KIF26B: variants seen among roughly 807,000 people sequenced by gnomAD.
KIF26B encodes the protein kinesin-like protein KIF26B.
KIF26B carries 63 observed loss-of-function variants against 151.2 expected under a neutral mutation model. The observed-to-expected ratio is 0.42, with a 90% CI of 0.34 to 0.51. The LOEUF (loss-of-function observed/expected upper bound fraction) is 0.51. Among genes scored for constraint, KIF26B ranks in the 20% least tolerant of loss-of-function variants. The pLI, the probability that KIF26B is intolerant of heterozygous loss-of-function variation, is 0.07. For synonymous variants in KIF26B, 1,357 were observed against 1,262.1 expected, an observed-to-expected ratio of 1.08 and a Z score of -1.59; for missense variants, 2,813 against 2,913.6, an observed-to-expected ratio of 0.97 and a Z score of 0.79.
chr1:245,164,754 A>G (rs888507069), intron 2 of KIF26B, among the ~76,000 whole-genome samples: 1 of 152,206 alleles, frequency 6.6e-6, no homozygotes, highest in Non-Finnish European at 1.5e-5. Flanking sequence ...TCATGAAGGG[A>G]GTGAAATGAT....
chr1:245,192,671 C>A (rs1669129701), intron 2 of KIF26B, among the ~76,000 whole-genome samples: 1 of 152,218 alleles, frequency 6.6e-6, no homozygotes, highest in South Asian at 2.1e-4. Flanking sequence ...CCAGAGCCCA[C>A]AGTAACTCTT....
chr1:245,478,981 A>T (rs1275123667), intron 4 of KIF26B, among the ~76,000 whole-genome samples: 1 of 151,850 alleles, frequency 6.6e-6, no homozygotes, highest in East Asian at 1.9e-4. Context: ...TGTTGGAAAG[A>T]TGGAGCTGCC....
rs573223574 is a variant in KIF26B at position 245,647,267 on chromosome 1, T to C, written c.2258+987T>C. On this transcript the variant is annotated intron_variant, in intron 10 of 14. Transcript: ENST00000407071. ...GGTGAAACCCCATCTCTACTAAAAATACAAAAAATTAGCTGGGCGTGGTGG... is the reference window on the plus strand; with the variant it reads ...GGTGAAACCCCATCTCTACTAAAAACACAAAAAATTAGCTGGGCGTGGTGG... 7.3e-5 allele frequency among the ~76,000 whole-genome samples: 11 copies of C among 151,216 alleles called. No individual in the cohort carries two copies. The South Asian group carries it at 2.1e-3, about 29-fold the overall frequency.
rs73127197 is a variant in KIF26B, at chr1:245,247,641, G to A, written c.465+90958G>A. Among the ~76,000 whole-genome samples, 733 of 152,242 alleles carry A rather than the reference G, an allele frequency of 4.8e-3. 2 individuals are homozygous for A. Among genetic ancestry groups the A allele is most frequent in the African/African-American group, 0.017 (709 of 41,540 alleles). On this transcript the variant is annotated intron_variant, in intron 2 of 14. Coordinates refer to ENST00000407071, the MANE Select transcript of KIF26B (RefSeq NM_018012.4). ...TATGGAAGTAAGAGGAAGTGGGCCC[G>A]AGGGATGCAGAGCAGACTTGCAGGG...
intron 2 of KIF26B, among the ~76,000 whole-genome samples, chr1:245,362,112 G>A (rs895339989): frequency 1.4e-5 from 2 of 146,654 alleles, no homozygotes; most frequent in Non-Finnish European, 3.0e-5. Flanking sequence ...AGAGTCTCGC[G>A]GTGAGAAATA....
At position 245,703,109 on chromosome 1, in the gene KIF26B, A is replaced by AAAAC. The variant is rs1231071080; in HGVS notation, c.*505_*508dup. 6.5e-6 allele frequency: 1 copy of AAAAC among 153,900 alleles called. No homozygotes were observed. The highest frequency in any genetic ancestry group is 1.4e-5 in the Non-Finnish European group (1 of 68,980). 9.5% of individuals were successfully genotyped at this position (153,900 alleles called of 1,614,324 possible). A position where few individuals can be genotyped will look rare whatever the true frequency, so the allele number is the denominator to read the frequency against. ...GATGAAAACAACAAAACAAACAAGA[A>AAAAC]AAACATTTTGGAAATGTATTCACAG... On this transcript the variant is annotated 3_prime_UTR_variant, in exon 15 of 15. Coordinates refer to ENST00000407071, the MANE Select transcript of KIF26B (RefSeq NM_018012.4).
chr1:245,172,143 T>A (rs1361311791), intron 2 of KIF26B, among the ~76,000 whole-genome samples: 1 of 152,200 alleles, frequency 6.6e-6, no homozygotes, highest in Non-Finnish European at 1.5e-5. Context: ...TACATTCGTG[T>A]GTCTAGACTT....
intron 4 of KIF26B, among the ~76,000 whole-genome samples, chr1:245,443,174 G>A (rs572145226): frequency 2.2e-5 from 3 of 139,368 alleles, no homozygotes; most frequent in African/African-American, 8.2e-5. Context: ...TTAGAGGAGA[G>A]GTCATCTCCC....
intron 4 of KIF26B, among the ~76,000 whole-genome samples, chr1:245,465,045 C>A (rs1659751249): frequency 7.0e-6 from 1 of 143,868 alleles, no homozygotes; most frequent in South Asian, 2.3e-4. Flanking sequence ...GGGGCGCGAT[C>A]TCGGCTCACT....
At chr1:245,675,358 T>C (rs955877651) in intron 10 of KIF26B, among the ~76,000 whole-genome samples, 1 of 152,212 alleles carries the variant, frequency 6.6e-6, no homozygotes. Context: ...GCCCCTGCCC[T>C]AAATCACATG....
chr1:245,345,680 TAGTG>T (rs761055755), intron 2 of KIF26B, among the ~76,000 whole-genome samples: 14 of 152,032 alleles, frequency 9.2e-5, no homozygotes, highest in Admixed American at 7.2e-4. Flanking sequence ...GTTCTCGTGA[TAGTG>T]AGTGAGTTCT....
intron 2 of KIF26B, among the ~76,000 whole-genome samples, chr1:245,177,665 GGTGTGT>G (rs111597803): frequency 0.022 from 3,323 of 149,108 alleles, 111 homozygotes; most frequent in African/African-American, 0.075. Context: ...TGTCCTTAGG[GGTGTGT>G]GTGTGTGTGT....
intron 2 of KIF26B, among the ~76,000 whole-genome samples, chr1:245,195,288 T>A (rs1277591495): frequency 6.6e-6 from 1 of 152,230 alleles, no homozygotes; most frequent in Non-Finnish European, 1.5e-5. Flanking sequence ...ATTTTCTTAG[T>A]GCTTATTTGG....
chr1:245,607,835 C>G, intron 7 of KIF26B, 91 bp downstream of exon 7: 1 of 973,978 alleles, frequency 1.0e-6, no homozygotes, highest in Non-Finnish European at 1.5e-6. Flanking sequence ...TCTCTGATGA[C>G]AGGAAGGGCT....
chr1:245,316,840 C>CT (rs34401311), intron 2 of KIF26B, among the ~76,000 whole-genome samples: 34,237 of 151,898 alleles, frequency 0.23, 4,372 homozygotes, highest in African/African-American at 0.34. Flanking sequence ...AGTTCAAGGA[C>CT]CCTCACAATC....
intron 5 of KIF26B, among the ~76,000 whole-genome samples, chr1:245,598,699 T>G (rs1267160254): frequency 2.0e-5 from 3 of 152,128 alleles, no homozygotes; most frequent in East Asian, 1.9e-4. Context: ...CCTTTCTCCC[T>G]CAGCCCCATG....
At chr1:245,168,267 G>A (rs1365557591) in intron 2 of KIF26B, among the ~76,000 whole-genome samples, 4 of 152,312 alleles carry the variant, frequency 2.6e-5, no homozygotes, top group East Asian at 1.9e-4. Context: ...ATCTGCAGCC[G>A]CCGCAGCGAC....
chr1:245,393,598 G>A (rs1319193496), intron 3 of KIF26B, among the ~76,000 whole-genome samples: 2 of 152,106 alleles, frequency 1.3e-5, no homozygotes, highest in East Asian at 3.9e-4. Context: ...TGGTGAGTGT[G>A]GTCTTACCTG....
Position 245,227,036 on chromosome 1 carries a change from C to G in KIF26B, c.465+70353C>G, listed in dbSNP as rs543222564. On this transcript the variant is annotated intron_variant, in intron 2 of 14. Transcript: ENST00000407071. The surrounding 1 kb of genome is among the most constrained non-coding windows in gnomAD (Gnocchi z 4.1). ...CAGGCAGCTTGTTTCGAATGACCCA[C>G]AGGGAATGGTGCACCATTCACTCAG... 2.0e-5 allele frequency among the ~76,000 whole-genome samples: 3 copies of G among 152,322 alleles called. No homozygotes were observed. In the East Asian group the frequency reaches 5.8e-4, roughly 29 times the overall value.
Sources: allele counts gnomAD v4.1 joint callset (sites outside exome capture counted in the v4.1 genomes callset), GRCh38; gene constraint gnomAD v4.1.1; non-coding constraint Gnocchi (gnomAD v3.1); transcripts MANE v1.5; gene names NCBI Gene and HGNC (gene_info 2026-07-23, HGNC 2026-07-21).